GAPVD1: variants seen among roughly 807,000 people sequenced by gnomAD.
GAPVD1 encodes GTPase activating protein and VPS9 domains 1.
Under a neutral mutation model 155.5 loss-of-function variants are expected in GAPVD1, and 35 were observed. That is an observed-to-expected ratio of 0.23 (90% CI 0.17 to 0.30). The LOEUF (loss-of-function observed/expected upper bound fraction) is 0.30, where lower values mean the gene tolerates loss of function less well. Ranked by LOEUF, GAPVD1 falls within the 10% of genes least tolerant of loss-of-function variation. The pLI is 1.00. For missense variants in GAPVD1, 1,429 were observed against 1,775.7 expected, an observed-to-expected ratio of 0.80 and a Z score of 3.51; for synonymous variants, 636 against 619.7, an observed-to-expected ratio of 1.03 and a Z score of -0.39.
chr9:125,359,582 A>C, intron 26 of GAPVD1, 90 bp downstream of exon 26: 1 of 709,836 alleles, frequency 1.4e-6, no homozygotes, highest in Non-Finnish European at 2.5e-6. Flanking sequence ...AAGGAACTGA[A>C]ATGTGATAAA....
rs1849793768 is a variant in GAPVD1, at chr9:125,354,600, AAG to A, written c.3570-49_3570-48del. The A allele has an allele frequency of 4.2e-6, 5 of 1,183,098 alleles. No homozygotes were observed. In the East Asian group the frequency reaches 9.4e-5, roughly 22 times the overall value. 73.3% of individuals were successfully genotyped at this position (1,183,098 alleles called of 1,614,324 possible). ...GAAAAGTTAGGACCCTTATTCTTCA[AAG>A]AGAGTATGCACTGAATATATCTGAT... On this transcript the variant is annotated intron_variant, in intron 23 of 27. Coordinates refer to ENST00000297933, the MANE Select transcript of GAPVD1 (RefSeq NM_001282680.3).
Position 125,355,709 on chromosome 9 carries a change from T to C in GAPVD1, c.3823T>C (p.Tyr1275His). Residue 1275 changes from tyrosine (Y) to histidine (H), a missense_variant, in exon 25 of 28, where the codon TAT (tyrosine) becomes CAT (histidine). Physicochemically the swap from Tyr to His is moderately conservative, Grantham distance 83. Transcript: ENST00000297933. Reference protein sequence around the residue: ...AQVEDFLQFLYGAMAQDVIWQ... With the variant: ...AQVEDFLQFLHGAMAQDVIWQ... ...GGTAGAAGATTTTCTGCAGTTTCTTTATGGTGCAATGGCCCAGGATGTCAT... is the reference window on the plus strand; with the variant it reads ...GGTAGAAGATTTTCTGCAGTTTCTTCATGGTGCAATGGCCCAGGATGTCAT... 6.2e-7 allele frequency: 1 copy of C among 1,613,818 alleles called. No individual in the cohort carries two copies. Among genetic ancestry groups the C allele is most frequent in the African/African-American group, 1.3e-5 (1 of 75,038 alleles).
chr9:125,345,566 C>T (rs1848406811), intron 19 of GAPVD1, among the ~76,000 whole-genome samples: 1 of 152,178 alleles, frequency 6.6e-6, no homozygotes, highest in Admixed American at 6.6e-5. Flanking sequence ...GTTCAAGGGT[C>T]AACTGCAGTT....
rs80257123 is a variant in GAPVD1, at chr9:125,263,618, G to A, written c.-199+1659G>A. 4.3e-3 allele frequency: 5,824 copies of A among 1,349,652 alleles called. 161 individuals are homozygous for A. In the African/African-American group the frequency reaches 0.069, roughly 16 times the overall value. The allele number at this position is 1,349,652 out of a possible 1,614,324, so 83.6% of individuals were successfully genotyped here. On this transcript the variant is annotated intron_variant, in intron 1 of 27. Coordinates refer to ENST00000297933, the MANE Select transcript of GAPVD1 (RefSeq NM_001282680.3). ...GCTGACCACGTCCACGACCAAATCC[G>A]TCTCAACTGGAATTTGGCTGCTGAC...
intron 8 of GAPVD1, among the ~76,000 whole-genome samples, 180 bp from the exon 9 acceptor site, chr9:125,312,272 T>G (rs1842772782): frequency 6.6e-6 from 1 of 152,192 alleles, no homozygotes; most frequent in South Asian, 2.1e-4. Flanking sequence ...TATTAGTCAG[T>G]AGAGTAACTG....
intron 1 of GAPVD1, chr9:125,263,420 G>A (rs1288616810): frequency 2.1e-5 from 10 of 486,904 alleles, no homozygotes; most frequent in Non-Finnish European, 3.8e-5. Context: ...CTGCACTCCA[G>A]CCTGGCAACA....
intron 8 of GAPVD1, chr9:125,308,118 C>T (rs1275016688): frequency 3.6e-6 from 2 of 558,360 alleles, no homozygotes; most frequent in East Asian, 5.7e-5. Flanking sequence ...CCACAGTATA[C>T]TTTCTTTAAA....
chr9:125,352,159 C>T (rs1056998817), intron 23 of GAPVD1, among the ~76,000 whole-genome samples: 1 of 152,180 alleles, frequency 6.6e-6, no homozygotes, highest in Non-Finnish European at 1.5e-5. Context: ...ACGGTGCAAA[C>T]TGTCAGTGGA....
At chr9:125,309,589 C>A (rs1031635006) in intron 8 of GAPVD1, among the ~76,000 whole-genome samples, 54 of 152,262 alleles carry the variant, frequency 3.5e-4, no homozygotes, top group African/African-American at 1.2e-3. Context: ...CCTGCCTCGG[C>A]CTCCCAAAGG....
At chr9:125,322,174 C>G (rs910458920) in intron 10 of GAPVD1, among the ~76,000 whole-genome samples, 3 of 152,020 alleles carry the variant, frequency 2.0e-5, no homozygotes, top group Non-Finnish European at 4.4e-5. Context: ...ACGCCATTCT[C>G]CTGCCTCAGC....
intron 12 of GAPVD1, among the ~76,000 whole-genome samples, chr9:125,328,132 C>T (rs182327006): frequency 7.7e-4 from 115 of 149,204 alleles, no homozygotes; most frequent in South Asian, 2.1e-4. Flanking sequence ...TTAACACAGA[C>T]GTATAATAAT....
At chr9:125,356,115 A>G (rs918757776) in intron 25 of GAPVD1, among the ~76,000 whole-genome samples, 7 of 152,100 alleles carry the variant, frequency 4.6e-5, no homozygotes, top group Non-Finnish European at 5.9e-5. Flanking sequence ...GCCTTAACTA[A>G]TCTTCCCTTC....
chr9:125,267,921 G>C (rs954804317), intron 1 of GAPVD1, among the ~76,000 whole-genome samples: 1 of 151,966 alleles, frequency 6.6e-6, no homozygotes, highest in Admixed American at 6.6e-5. Context: ...CCTGCATTTT[G>C]GGAGACCGAG....
At chr9:125,292,008 G>T (rs1838683081) in intron 2 of GAPVD1, among the ~76,000 whole-genome samples, 1 of 152,158 alleles carries the variant, frequency 6.6e-6, no homozygotes, top group South Asian at 2.1e-4. Flanking sequence ...TTAGGAGGCT[G>T]AGGTGGGAGG....
At chr9:125,319,556 G>A (rs1258630068) in intron 9 of GAPVD1, among the ~76,000 whole-genome samples, 1 of 143,722 alleles carries the variant, frequency 7.0e-6, no homozygotes, top group African/African-American at 2.6e-5. Context: ...GTGCCACGAC[G>A]CCTGGCCTAT....
chr9:125,345,702 C>T (rs1026930937), intron 19 of GAPVD1, among the ~76,000 whole-genome samples: 1 of 152,164 alleles, frequency 6.6e-6, no homozygotes, highest in Non-Finnish European at 1.5e-5. Context: ...AGGATGATAA[C>T]AACGTTTCTC....
intron 5 of GAPVD1, among the ~76,000 whole-genome samples, chr9:125,303,751 G>A (rs1199548318): frequency 5.4e-5 from 8 of 148,758 alleles, no homozygotes; most frequent in African/African-American, 1.8e-4. Context: ...ACTCCAGCCT[G>A]GGCAACAAGA....
chr9:125,341,949 A>G, intron 18 of GAPVD1: 1 of 258,370 alleles, frequency 3.9e-6, no homozygotes. Context: ...TGTGTTTTTG[A>G]GCAGAGGTTA....
At chr9:125,312,422 T>A in intron 8 of GAPVD1, 30 bp from the exon 9 acceptor site, 2 of 1,445,828 alleles carry the variant, frequency 1.4e-6, no homozygotes, top group Non-Finnish European at 1.9e-6. Context: ...TCTATTTCTC[T>A]AAATTATTTT....
Sources: gnomAD v4.1 joint callset for allele counts (sites outside exome capture counted in the v4.1 genomes callset) on GRCh38, gnomAD v4.1.1 for gene constraint, MANE v1.5 for transcripts, NCBI Gene and HGNC (gene_info 2026-07-23, HGNC 2026-07-21) for gene names.